The following ABCE1 variants were observed in gnomAD, a reference collection of about 807,000 sequenced individuals.
The protein encoded by ABCE1 is ATP-binding cassette sub-family E member 1.
In ABCE1, 22 loss-of-function variants were observed where a neutral mutation model predicts 83.4. That is an observed-to-expected ratio of 0.26 (90% CI 0.19 to 0.38). The LOEUF (loss-of-function observed/expected upper bound fraction) is 0.38. Ranked by LOEUF, ABCE1 falls within the 10% of genes least tolerant of loss-of-function variation. The probability of loss-of-function intolerance (pLI) is 1.00; values close to 1 mark genes in which losing one functional copy is unlikely to be tolerated. For missense variants in ABCE1, 330 were observed against 721.9 expected (o/e 0.46, Z 6.22); for synonymous variants, 204 against 233.7 (o/e 0.87, Z 1.16).
chr4:145,119,916 A>G lies in ABCE1; in HGVS notation c.923-16A>G, dbSNP rs760743174. ...CTCTAATGATTTCTCCCGGTTGACA[A>G]TTTTCTTCCCAACAGGCATAAACAT... On this transcript the variant is annotated splice_polypyrimidine_tract_variant and intron_variant, in intron 10 of 17. Transcript: ENST00000296577. The G allele has an allele frequency of 4.4e-6, 7 of 1,602,008 alleles. No homozygotes were observed. The highest frequency in any genetic ancestry group is 1.7e-5 in the Admixed American group (1 of 59,394).
intron 1 of ABCE1, among the ~76,000 whole-genome samples, chr4:145,102,049 A>G (rs528481321): frequency 1.3e-5 from 2 of 152,322 alleles, no homozygotes; most frequent in South Asian, 4.2e-4. Flanking sequence ...GTGACCAGGA[A>G]AACAGTAGAA....
rs375932831 is a variant in ABCE1 at position 145,116,303 on chromosome 4, AG to A, written c.801-986del. Among the ~76,000 whole-genome samples, 246 of 152,048 alleles carry A rather than the reference AG, an allele frequency of 1.6e-3. 1 individual carries two copies. Among genetic ancestry groups the A allele is most frequent in the African/African-American group, 5.5e-3 (229 of 41,550 alleles). On this transcript the variant is annotated intron_variant, in intron 9 of 17. Transcript: ENST00000296577. ...TTCATTTGGAATTGAGACCCACATCAGGGGACCTAAAGAAAATGAGATATGA... is the reference window on the plus strand; with the variant it reads ...TTCATTTGGAATTGAGACCCACATCAGGGACCTAAAGAAAATGAGATATGA...
chr4:145,122,939 G>A, intron 13 of ABCE1, 82 bp from the exon 14 acceptor site: 3 of 962,304 alleles, frequency 3.1e-6, no homozygotes, highest in Non-Finnish European at 1.5e-6. Context: ...TTATTCTGAA[G>A]CTTAACTTTG....
chr4:145,127,601 T>C lies in ABCE1; in HGVS notation c.*28T>C, dbSNP rs1464841976. On this transcript the variant is annotated 3_prime_UTR_variant, in exon 18 of 18. Transcript: ENST00000296577. ...TGACTCTGAGAATATTGATAAGCCA[T>C]TTATTAAAAGGAGTATTTACTAGAA... The C allele has an allele frequency of 4.0e-6, 6 of 1,517,284 alleles. No individual in the cohort carries two copies. The highest frequency in any genetic ancestry group is 5.3e-6 in the Non-Finnish European group (6 of 1,137,430). The allele number at this position is 1,517,284 out of a possible 1,614,324, so 94.0% of individuals were successfully genotyped here.
Position 145,128,599 on chromosome 4 carries a change from A to T in ABCE1, c.*1026A>T, listed in dbSNP as rs1031790778. The T allele has an allele frequency of 2.0e-5, 3 of 152,178 alleles. No homozygotes were observed. Among genetic ancestry groups the T allele is most frequent in the Admixed American group, 6.5e-5 (1 of 15,274 alleles). 9.4% of individuals were successfully genotyped at this position (152,178 alleles called of 1,614,324 possible). A position where few individuals can be genotyped will look rare whatever the true frequency, so the allele number is the denominator to read the frequency against. On this transcript the variant is annotated 3_prime_UTR_variant, in exon 18 of 18. Transcript: ENST00000296577. ...GAGCACATTATCTAAACCATTTTGTAGTTCCAAAAACCCATCTAAATTTCT... is the reference window on the plus strand; with the variant it reads ...GAGCACATTATCTAAACCATTTTGTTGTTCCAAAAACCCATCTAAATTTCT...
intron 16 of ABCE1, chr4:145,124,029 T>A (rs962431370): frequency 6.5e-6 from 1 of 153,880 alleles, no homozygotes; most frequent in Non-Finnish European, 1.4e-5. Flanking sequence ...GGTATTAATC[T>A]ATAGCAGAGT....
chr4:145,106,631 A>T (rs1291629354), intron 3 of ABCE1, among the ~76,000 whole-genome samples: 1 of 152,038 alleles, frequency 6.6e-6, no homozygotes, highest in Non-Finnish European at 1.5e-5. Flanking sequence ...GTCCTCTTTG[A>T]GGGTGGAGAA....
At chr4:145,100,400 A>G (rs1242202608) in intron 1 of ABCE1, among the ~76,000 whole-genome samples, 1 of 152,236 alleles carries the variant, frequency 6.6e-6, no homozygotes. Context: ...TAGTTTGAAA[A>G]ATTAAATATT....
chr4:145,101,629 A>G (rs1299611916), intron 1 of ABCE1, among the ~76,000 whole-genome samples: 1 of 152,188 alleles, frequency 6.6e-6, no homozygotes, highest in African/African-American at 2.4e-5. Flanking sequence ...GTAAGAGATG[A>G]TAGTGATAGC....
chr4:145,122,209 CA>C (rs1749765640), intron 13 of ABCE1: 1 of 152,204 alleles, frequency 6.6e-6, no homozygotes, highest in Admixed American at 6.5e-5. Flanking sequence ...AGTACCTCAA[CA>C]TTCAATTTAT....
In ABCE1 at chr4:145,108,194, G is replaced by T. The variant is rs2126702562; in HGVS notation, c.287+82G>T. ...GATTTTAAGAGAAGTGCAGAAATTG[G>T]GGGGAAATGCTATTAACCAGTCACT... On this transcript the variant is annotated intron_variant, in intron 4 of 17. Coordinates refer to ENST00000296577, the MANE Select transcript of ABCE1 (RefSeq NM_002940.3). The T allele has an allele frequency of 6.4e-6, 8 of 1,250,228 alleles. No homozygotes were observed. The South Asian group carries it at 1.0e-4, about 16-fold the overall frequency. The allele number at this position is 1,250,228 out of a possible 1,614,324, so 77.4% of individuals were successfully genotyped here.
intron 16 of ABCE1, 81 bp downstream of exon 16, chr4:145,123,681 A>T: frequency 4.4e-6 from 6 of 1,377,408 alleles, no homozygotes; most frequent in Non-Finnish European, 5.9e-6. Context: ...TTTAATTTTT[A>T]AAAAATGAAA....
chr4:145,103,713 A>G (rs1238505306), intron 1 of ABCE1, among the ~76,000 whole-genome samples: 5 of 151,096 alleles, frequency 3.3e-5, no homozygotes, highest in Admixed American at 1.3e-4. Flanking sequence ...CCTGGCTATT[A>G]ATAATTCTTT....
At chr4:145,098,900 C>T (rs1748996119) in intron 1 of ABCE1, among the ~76,000 whole-genome samples, 1 of 152,218 alleles carries the variant, frequency 6.6e-6, no homozygotes, top group Admixed American at 6.5e-5. Context: ...ATCTTGCCGC[C>T]ATGAAGTCGA....
In ABCE1 at chr4:145,102,064, C is replaced by T. The variant is rs35772534; in HGVS notation, c.-27-2322C>T. On this transcript the variant is annotated intron_variant, in intron 1 of 17. Transcript: ENST00000296577. Reference sequence around the variant, plus strand: ...GTGACCAGGAAAACAGTAGAAAAACCAGATTAGTGTTGTATCCTAAAACCA... The same window carrying T: ...GTGACCAGGAAAACAGTAGAAAAACTAGATTAGTGTTGTATCCTAAAACCA... 6.9e-4 allele frequency among the ~76,000 whole-genome samples: 105 copies of T among 151,992 alleles called. 1 individual carries two copies. Among genetic ancestry groups the T allele is most frequent in the Middle Eastern group, 3.4e-3 (1 of 294 alleles).
At position 145,123,532 on chromosome 4, in the gene ABCE1, G is replaced by T; in HGVS notation, c.1572G>T (p.Met524Ile). The T allele has an allele frequency of 3.7e-6, 6 of 1,608,040 alleles. No individual in the cohort carries two copies. Among genetic ancestry groups the T allele is most frequent in the Non-Finnish European group, 5.1e-6 (6 of 1,174,916 alleles). Residue 524 changes from methionine to isoleucine, a missense_variant, in exon 16 of 18, where the codon ATG becomes ATT. By Grantham distance (10) the Met-to-Ile change is conservative (BLOSUM62 1). Coordinates refer to ENST00000296577, the MANE Select transcript of ABCE1 (RefSeq NM_002940.3). ...TAFVVEHDFI[M>I]ATYLADRVIV... ...TTGTTGTGGAACATGACTTCATCAT[G>T]GCCACCTATCTAGCGGATCGCGTCA...
chr4:145,127,623 A>G lies in ABCE1; in HGVS notation c.*50A>G, dbSNP rs1339611392. The G allele has an allele frequency of 1.4e-6, 2 of 1,442,764 alleles. No homozygotes were observed. The highest frequency in any genetic ancestry group is 1.9e-6 in the Non-Finnish European group (2 of 1,080,322). 89.4% of individuals were successfully genotyped at this position (1,442,764 alleles called of 1,614,324 possible). Reference sequence around the variant, plus strand: ...CCATTTATTAAAAGGAGTATTTACTAGAATTTTTTGTCATATAAAACTTGA... The same window carrying G: ...CCATTTATTAAAAGGAGTATTTACTGGAATTTTTTGTCATATAAAACTTGA... On this transcript the variant is annotated 3_prime_UTR_variant, in exon 18 of 18. Coordinates refer to ENST00000296577, the MANE Select transcript of ABCE1 (RefSeq NM_002940.3).
In ABCE1 at chr4:145,123,039, C is replaced by T; in HGVS notation, c.1282C>T (p.Leu428=). ...PKSTGSVRQL[L]HEKIRDAYTH... The stretch of plus-strand genomic sequence containing the variant: ...AAAACAGGGAAGTGTTCGCCAGTTA[C>T]TACATGAAAAGATAAGAGATGCTTA... The change falls in exon 14 of 18, where the codon CTA becomes TTA. Residue 428 remains leucine (L), a synonymous_variant. Coordinates refer to ENST00000296577, the MANE Select transcript of ABCE1 (RefSeq NM_002940.3). 6.3e-7 allele frequency: 1 copy of T among 1,588,302 alleles called. No homozygotes were observed.
intron 12 of ABCE1, 34 bp downstream of exon 12, chr4:145,121,267 T>G: frequency 6.2e-7 from 1 of 1,613,076 alleles, no homozygotes; most frequent in African/African-American, 1.3e-5. Context: ...TTTTACTCTG[T>G]TTTACACAGT....
Sources: allele counts gnomAD v4.1 joint callset (sites outside exome capture counted in the v4.1 genomes callset), GRCh38; gene constraint gnomAD v4.1.1; transcripts MANE v1.5; gene names NCBI Gene and HGNC (gene_info 2026-07-23, HGNC 2026-07-21).